Variants in COL5A2 observed in about 807,000 individuals in gnomAD.
COL5A2 encodes collagen type V alpha 2 chain, also known as collagen alpha-2(V) chain.
In COL5A2, 23 loss-of-function variants were observed where a neutral mutation model predicts 208.2. That is an observed-to-expected ratio of 0.11 (90% CI 0.08 to 0.16). The LOEUF (loss-of-function observed/expected upper bound fraction) is 0.16, where lower values mean the gene tolerates loss of function less well. Ranked by LOEUF, COL5A2 falls within the 10% of genes least tolerant of loss-of-function variation. The pLI is 1.00. For synonymous variants in COL5A2, 625 were observed against 628.5 expected (o/e 0.99, Z 0.08); for missense variants, 1,590 against 1,956.4 (o/e 0.81, Z 3.53).
chr2:189,180,655 G>A (rs1042581292), upstream of COL5A2, among the ~76,000 whole-genome samples: 1 of 152,180 alleles, frequency 6.6e-6, no homozygotes, highest in Non-Finnish European at 1.5e-5. Flanking sequence ...ACAGGGTTTA[G>A]TGACACTAAA....
chr2:189,153,187 T>C (rs916979398), intron 1 of COL5A2, among the ~76,000 whole-genome samples: 1 of 152,180 alleles, frequency 6.6e-6, no homozygotes, highest in Non-Finnish European at 1.5e-5. Flanking sequence ...TTCTCAGATG[T>C]CTTCTGAAAA....
chr2:189,403,572 G>C, the COL5A2 span, among the ~76,000 whole-genome samples: 1 of 152,056 alleles, frequency 6.6e-6, no homozygotes, highest in Non-Finnish European at 1.5e-5. Flanking sequence ...TATGGCTCTT[G>C]TCGTTTTGAG....
At position 189,064,032 on chromosome 2, in the gene COL5A2, C is replaced by T; in HGVS notation, c.1718G>A (p.Gly573Asp). Residue 573 changes from glycine (G) to aspartate (D), a missense_variant and splice_region_variant, in exon 26 of 54, where the codon GGT (glycine) becomes GAT (aspartate). By Grantham distance (94) the Gly-to-Asp change is moderately conservative. Transcript: ENST00000374866. ...PGEPGLPGARGLTGNPGVQGP... is the reference protein window; with the variant it reads ...PGEPGLPGARDLTGNPGVQGP... Reference sequence around the variant, plus strand: ...TTGAACACCAGGATTTCCTGTCAAACCCTGAAAATAAAAAACCAACTGTCA... The same window carrying T: ...TTGAACACCAGGATTTCCTGTCAAATCCTGAAAATAAAAAACCAACTGTCA... 6.2e-7 allele frequency: 1 copy of T among 1,613,044 alleles called. No homozygotes were observed. The highest frequency in any genetic ancestry group is 8.5e-7 in the Non-Finnish European group (1 of 1,179,534).
chr2:189,201,613 A>C (rs2105857599), intron 1 of COL5A2, among the ~76,000 whole-genome samples: 1 of 152,120 alleles, frequency 6.6e-6, no homozygotes, highest in South Asian at 2.1e-4. Flanking sequence ...AAGTTAGAGA[A>C]ATGTAAAAAA....
chr2:189,098,849 C>G (rs114772110), intron 4 of COL5A2, 90 bp from the exon 5 acceptor site: 1 of 927,716 alleles, frequency 1.1e-6, no homozygotes, highest in Non-Finnish European at 1.7e-6. Context: ...ACAACAAAAA[C>G]CACAGTAATT....
At position 189,049,401 on chromosome 2, in the gene COL5A2, A is replaced by G. The variant is rs774102174; in HGVS notation, c.3093T>C (p.Pro1031=). 4.3e-6 allele frequency: 7 copies of G among 1,613,594 alleles called. No individual in the cohort carries two copies. In the African/African-American group the frequency reaches 5.3e-5, roughly 12 times the overall value. Residue 1031 remains proline, a synonymous_variant, in exon 44 of 54, where the codon CCT becomes CCC. Transcript: ENST00000374866. Reference sequence around the variant, plus strand: ...TGGAGCCTGGGGGCCCCACAGGTCCAGGTGGACCTTTATCTCCTGTTGCAC... The same window carrying G: ...TGGAGCCTGGGGGCCCCACAGGTCCGGGTGGACCTTTATCTCCTGTTGCAC... The part of the protein sequence containing the change: ...PTGATGDKGP[P]GPVGPPGSNG...
At chr2:189,413,783 AT>A in the COL5A2 span, among the ~76,000 whole-genome samples, 5,080 of 78,848 alleles carry the variant, frequency 0.064, 60 homozygotes, top group African/African-American at 0.15. Context: ...CCTTGGCGTC[AT>A]TTTTTTTTTT....
At chr2:189,112,787 T>C (rs1687309910) in intron 1 of COL5A2, among the ~76,000 whole-genome samples, 1 of 152,194 alleles carries the variant, frequency 6.6e-6, no homozygotes, top group African/African-American at 2.4e-5. Context: ...TGGAAGATTA[T>C]TTTGAAAAAA....
At chr2:189,248,899 T>A in the COL5A2 span, among the ~76,000 whole-genome samples, 1 of 152,160 alleles carries the variant, frequency 6.6e-6, no homozygotes, top group South Asian at 2.1e-4. Context: ...TTTTAAAGTA[T>A]CCACAAGGCT....
At chr2:189,363,255 G>C in the COL5A2 span, among the ~76,000 whole-genome samples, 4 of 152,026 alleles carry the variant, frequency 2.6e-5, no homozygotes, top group East Asian at 3.9e-4. Flanking sequence ...GAAAGGTAAT[G>C]CATCTAAAGT....
chr2:189,034,247 T>A (rs79933733), intron 53 of COL5A2, 31 bp from the exon 54 acceptor site: 1 of 1,613,138 alleles, frequency 6.2e-7, no homozygotes, highest in Admixed American at 1.7e-5. Flanking sequence ...GGGTTAAATG[T>A]ACATACAATT....
At chr2:189,150,145 T>C (rs139944811) in intron 1 of COL5A2, among the ~76,000 whole-genome samples, 86 of 152,292 alleles carry the variant, frequency 5.6e-4, no homozygotes, top group Non-Finnish European at 1.0e-3. Flanking sequence ...ACAATGTGTG[T>C]GCCTTCACGA....
At chr2:189,166,220 T>C (rs575119422) in intron 1 of COL5A2, among the ~76,000 whole-genome samples, 1 of 152,278 alleles carries the variant, frequency 6.6e-6, no homozygotes, top group South Asian at 2.1e-4. Flanking sequence ...CTCTTGCTGC[T>C]CTCCATACCC....
intron 1 of COL5A2, among the ~76,000 whole-genome samples, chr2:189,128,008 T>C (rs1687641865): frequency 6.6e-6 from 1 of 151,968 alleles, no homozygotes; most frequent in Non-Finnish European, 1.5e-5. Flanking sequence ...ATGGTAAGTG[T>C]AGGAAAGAGG....
the COL5A2 span, among the ~76,000 whole-genome samples, chr2:189,427,611 T>C: frequency 6.6e-6 from 1 of 152,160 alleles, no homozygotes; most frequent in Non-Finnish European, 1.5e-5. Context: ...TGCCAGCCCA[T>C]GAGAGCAGCC....
At chr2:189,338,577 C>T in the COL5A2 span, among the ~76,000 whole-genome samples, 3 of 151,768 alleles carry the variant, frequency 2.0e-5, no homozygotes, top group East Asian at 3.9e-4. Context: ...TGGTTCTTAA[C>T]AGTTGCCATC....
At chr2:189,043,349 T>C (rs1685599460) in intron 47 of COL5A2, 91 bp from the exon 48 acceptor site, 1 of 839,730 alleles carries the variant, frequency 1.2e-6, no homozygotes. Context: ...TAATTGTATT[T>C]ACTACAATTT....
At chr2:189,161,921 A>G (rs1688374102) in intron 1 of COL5A2, among the ~76,000 whole-genome samples, 1 of 152,212 alleles carries the variant, frequency 6.6e-6, no homozygotes, top group African/African-American at 2.4e-5. Flanking sequence ...ATGTTCAAAA[A>G]GGTTTCAAAG....
the COL5A2 span, among the ~76,000 whole-genome samples, chr2:189,249,074 A>G: frequency 6.6e-6 from 1 of 152,172 alleles, no homozygotes; most frequent in Non-Finnish European, 1.5e-5. Flanking sequence ...CAGACCAAAA[A>G]AGATTTTATT....
Sources: allele counts gnomAD v4.1 joint callset (sites outside exome capture counted in the v4.1 genomes callset), GRCh38; gene constraint gnomAD v4.1.1; transcripts MANE v1.5; gene names NCBI Gene and HGNC (gene_info 2026-07-23, HGNC 2026-07-21).